The following ZSCAN32 variants were observed in gnomAD, a reference collection of about 807,000 sequenced individuals.
The protein encoded by ZSCAN32 is zinc finger and SCAN domain-containing protein 32.
Under a neutral mutation model 47.4 loss-of-function variants are expected in ZSCAN32, and 52 were observed. That is an observed-to-expected ratio of 1.10 (90% confidence interval 0.88 to 1.38). The LOEUF (loss-of-function observed/expected upper bound fraction) is 1.38, where lower values mean the gene tolerates loss of function less well. ZSCAN32 is among the 40% of genes most tolerant of loss of function. ZSCAN32 has a pLI of 0.00. For missense variants in ZSCAN32, 959 were observed against 846.0 expected (o/e 1.13, Z -1.66); for synonymous variants, 346 against 305.7 (o/e 1.13, Z -1.38).
At position 3,397,509 on chromosome 16, in the gene ZSCAN32, C is replaced by T; in HGVS notation, c.49G>A (p.Asp17Asn). ...STEAHPSSNK[D>N]PTQGQKSALQ... is the part of the protein sequence containing the mutation. ...GCTGATTTCTGGCCCTGTGTGGGAT[C>T]CTTGTTTGAGGATGGGTGTGCCTCG... Residue 17 changes from aspartate (D) to asparagine (N), a missense_variant, in exon 2 of 7, where the codon GAT becomes AAT. Asp to Asn is a conservative substitution (Grantham distance 23). Transcript: ENST00000396852. 6.5e-7 allele frequency: 1 copy of T among 1,550,038 alleles called. No individual in the cohort carries two copies. Among genetic ancestry groups the T allele is most frequent in the African/African-American group, 1.4e-5 (1 of 73,128 alleles).
chr16:3,384,601 T>C lies in ZSCAN32; in HGVS notation c.1092A>G (p.Gly364=), dbSNP rs2031709305. 6.2e-7 allele frequency: 1 copy of C among 1,614,076 alleles called. No individual in the cohort carries two copies. Among genetic ancestry groups the C allele is most frequent in the African/African-American group, 1.3e-5 (1 of 74,920 alleles). The change falls in exon 6 of 7, where the codon GGA becomes GGG. Residue 364 remains glycine, a synonymous_variant. Transcript: ENST00000396852. ...GTTCCCCATTCTGGTGATTCAGCTC[T>C]CCAGCCTCAATATCACTTCCTTCTT... ...PGQEGSDIEA[G]ELNHQNGEPT...
Position 3,383,104 on chromosome 16 carries a change from G to C in ZSCAN32, c.1842C>G (p.Phe614Leu), listed in dbSNP as rs961312850. ...PYQCIVCGKR[F>L]NNSSQFSAHR... ...GAGCACTGAACTGGGAACTGTTGTT[G>C]AATCTCTTTCCACAGACAATGCACT... The change falls in exon 7 of 7, where the codon TTC (phenylalanine) becomes TTG (leucine). Residue 614 changes from phenylalanine (F) to leucine (L), a missense_variant. Transcript: ENST00000396852. The C allele has an allele frequency of 3.1e-6, 5 of 1,614,060 alleles. No individual in the cohort carries two copies. The highest frequency in any genetic ancestry group is 2.7e-5 in the African/African-American group (2 of 74,906).
chr16:3,398,363 T>C (rs1278490737), intron 1 of ZSCAN32, among the ~76,000 whole-genome samples: 1 of 152,110 alleles, frequency 6.6e-6, no homozygotes. Flanking sequence ...CACAGCCCTA[T>C]GAATGCATCC....
intron 3 of ZSCAN32, among the ~76,000 whole-genome samples, chr16:3,390,879 G>C (rs1315982410): frequency 2.0e-5 from 3 of 151,966 alleles, no homozygotes; most frequent in Non-Finnish European, 4.4e-5. Context: ...GAAAAAAAGA[G>C]AATCGTAGTG....
At chr16:3,398,379 C>T (rs142692519) in intron 1 of ZSCAN32, among the ~76,000 whole-genome samples, 38 of 152,318 alleles carry the variant, frequency 2.5e-4, no homozygotes, top group African/African-American at 8.9e-4. Context: ...CATCCCCAAC[C>T]AGTCAGCATT....
chr16:3,386,276 A>G (rs919501945), intron 5 of ZSCAN32, among the ~76,000 whole-genome samples: 21 of 152,308 alleles, frequency 1.4e-4, no homozygotes, highest in African/African-American at 4.8e-4. Flanking sequence ...GCAATCATTA[A>G]AAAGTCAGGA....
chr16:3,392,623 C>G (rs899886515), intron 3 of ZSCAN32, among the ~76,000 whole-genome samples: 2 of 152,026 alleles, frequency 1.3e-5, no homozygotes, highest in Non-Finnish European at 2.9e-5. Flanking sequence ...GTCAGGAGAT[C>G]GAGACCATCC....
intron 2 of ZSCAN32, among the ~76,000 whole-genome samples, chr16:3,395,787 T>C (rs1414333692): frequency 6.6e-6 from 1 of 152,096 alleles, no homozygotes; most frequent in African/African-American, 2.4e-5. Context: ...CTGCCTGAGC[T>C]CAGAAGGTCA....
intron 2 of ZSCAN32, among the ~76,000 whole-genome samples, chr16:3,394,558 G>A (rs2033187503): frequency 6.6e-6 from 1 of 151,994 alleles, no homozygotes. Context: ...TCTACTGCTG[G>A]ACCCTCCAAT....
At chr16:3,393,201 T>TAAATATATA in intron 3 of ZSCAN32, among the ~76,000 whole-genome samples, 1 of 23,088 alleles carries the variant, frequency 4.3e-5, no homozygotes, top group African/African-American at 3.7e-4. Flanking sequence ...TATATATATA[T>TAAATATATA]TTATATTTAT....
Position 3,393,196 on chromosome 16 carries a change from ATAT to A in ZSCAN32, c.532+450_532+452del, listed in dbSNP as rs2032943881. On this transcript the variant is annotated intron_variant, in intron 3 of 6. Transcript: ENST00000396852. ...TATATATATATTTCTATATTTATATATATATTTATATTTATATATATATATATA... is the reference window on the plus strand; with the variant it reads ...TATATATATATTTCTATATTTATATAATTTATATTTATATATATATATATA... 8.5e-5 allele frequency among the ~76,000 whole-genome samples: 2 copies of A among 23,532 alleles called. 1 individual carries two copies. The highest frequency in any genetic ancestry group is 7.3e-4 in the African/African-American group (2 of 2,746). 15.4% of individuals were successfully genotyped at this position (23,532 alleles called of 152,430 possible).
At position 3,397,381 on chromosome 16, in the gene ZSCAN32, C is replaced by A. The variant is rs761970280; in HGVS notation, c.177G>T (p.Trp59Cys). Residue 59 changes from tryptophan (W) to cysteine (C), a missense_variant, in exon 2 of 7, where the codon TGG becomes TGT. Physicochemically the swap from Trp to Cys is radical, Grantham distance 215. Transcript: ENST00000396852. ...GCCTCAGCCACTGACAACAGAGTTCCCAGAGTTTGCTAAAAGCTTCATGTG... is the reference window on the plus strand; with the variant it reads ...GCCTCAGCCACTGACAACAGAGTTCACAGAGTTTGCTAAAAGCTTCATGTG... ...TGPHEAFSKL[W>C]ELCCQWLRPK... is the part of the protein sequence containing the mutation. The A allele has an allele frequency of 2.3e-5, 36 of 1,554,778 alleles. No individual in the cohort carries two copies. The highest frequency in any genetic ancestry group is 3.1e-5 in the Non-Finnish European group (36 of 1,149,462).
In ZSCAN32 at chr16:3,382,913, C is replaced by T. The variant is rs201245225; in HGVS notation, c.2033G>A (p.Arg678His). 338 of 1,609,294 alleles carry T rather than the reference C, an allele frequency of 2.1e-4. No individual in the cohort carries two copies. Among genetic ancestry groups the T allele is most frequent in the Non-Finnish European group, 2.7e-4 (323 of 1,177,418 alleles). ...TGCTTTCATGTGTACTGTCTGATGA[C>T]GGGTGAGGGCAGAGTTCTTAGTGAA... ...RGFTKNSALT[R>H]HQTVHMKAVL... Residue 678 changes from arginine to histidine, a missense_variant, in exon 7 of 7, where the codon CGT becomes CAT. Transcript: ENST00000396852.
chr16:3,383,355 T>A lies in ZSCAN32; in HGVS notation c.1591A>T (p.Ser531Cys), dbSNP rs565596568. 1 of 1,614,216 alleles carries A rather than the reference T, an allele frequency of 6.2e-7. No homozygotes were observed. Reference sequence around the variant, plus strand: ...TGCCGAACAAGATAAGAACTTCGGCTAAAGGTTTTCCCACATTCAGGACAT... The same window carrying A: ...TGCCGAACAAGATAAGAACTTCGGCAAAAGGTTTTCCCACATTCAGGACAT... ...SQCPECGKTF[S>C]RSSYLVRHQR... The change falls in exon 7 of 7, where the codon AGC becomes TGC. Residue 531 changes from serine to cysteine, a missense_variant. Coordinates refer to ENST00000396852, the MANE Select transcript of ZSCAN32 (RefSeq NM_001284527.2).
chr16:3,396,633 C>T (rs2033390787), intron 2 of ZSCAN32, among the ~76,000 whole-genome samples: 1 of 152,202 alleles, frequency 6.6e-6, no homozygotes, highest in African/African-American at 2.4e-5. Flanking sequence ...TCTTCCTGTG[C>T]CTTTCCCACC....
chr16:3,391,025 A>G (rs1210558273), intron 3 of ZSCAN32, among the ~76,000 whole-genome samples: 1 of 152,230 alleles, frequency 6.6e-6, no homozygotes, highest in Non-Finnish European at 1.5e-5. Flanking sequence ...AACTTCAAGA[A>G]TTGTACAAAT....
In ZSCAN32 at chr16:3,384,780, G is replaced by A. The variant is rs1254150221; in HGVS notation, c.913C>T (p.Gln305Ter). 6.2e-7 allele frequency: 1 copy of A among 1,614,204 alleles called. No homozygotes were observed. The highest frequency in any genetic ancestry group is 2.2e-5 in the East Asian group (1 of 44,884). The change falls in exon 6 of 7, where the codon CAG becomes TAG. Residue 305 changes from glutamine to a stop codon, truncating the protein, a stop_gained. Transcript: ENST00000396852. LOFTEE classifies it high-confidence loss of function. ...WEQGFLRTPE[Q>*]CRTKFKSLQL... ...AGGCTTTTGAACTTGGTGCGACACTGTTCTGGGGTCCGCAGAAAACCCTGC... is the reference window on the plus strand; with the variant it reads ...AGGCTTTTGAACTTGGTGCGACACTATTCTGGGGTCCGCAGAAAACCCTGC...
At chr16:3,397,833 T>TGATTCGGCGA in intron 1 of ZSCAN32, 89 bp from the exon 2 acceptor site, 1 of 258,640 alleles carries the variant, frequency 3.9e-6, no homozygotes, top group Non-Finnish European at 7.3e-6. Flanking sequence ...TTTCCTTTAC[T>TGATTCGGCGA]CCCTCCACAA....
chr16:3,394,094 C>A (rs1596225259), intron 2 of ZSCAN32, among the ~76,000 whole-genome samples: 1 of 152,072 alleles, frequency 6.6e-6, no homozygotes, highest in African/African-American at 2.4e-5. Flanking sequence ...AAAGAAACCC[C>A]GTCTCTACTA....
Sources: gnomAD v4.1 joint callset for allele counts (sites outside exome capture counted in the v4.1 genomes callset) on GRCh38, gnomAD v4.1.1 for gene constraint, MANE v1.5 for transcripts, NCBI Gene and HGNC (gene_info 2026-07-23, HGNC 2026-07-21) for gene names.